The following SKA1 variants were observed in gnomAD, a reference collection of about 807,000 sequenced individuals.
SKA1 encodes spindle and kinetochore associated complex subunit 1.
In SKA1, 20 loss-of-function variants were observed where a neutral mutation model predicts 31.8. The observed-to-expected ratio is 0.63, with a 90% CI of 0.44 to 0.91. The LOEUF is 0.91. Among genes scored for constraint, SKA1 ranks in the 40% least tolerant of loss-of-function variants. The probability of loss-of-function intolerance (pLI) is 0.00; values close to 1 mark genes in which losing one functional copy is unlikely to be tolerated. For synonymous variants in SKA1, 88 were observed against 100.5 expected, an observed-to-expected ratio of 0.88 and a Z score of 0.74; for missense variants, 253 against 298.2, an observed-to-expected ratio of 0.85 and a Z score of 1.12.
At chr18:50,388,045 CAG>C (rs1490853471) in intron 5 of SKA1, among the ~76,000 whole-genome samples, 2 of 152,118 alleles carry the variant, frequency 1.3e-5, no homozygotes, top group African/African-American at 4.8e-5. Context: ...TTGTAAATGT[CAG>C]AAGCTTCAAT....
rs1373386266 is a variant in SKA1 at position 50,392,286 on chromosome 18, A to C, written c.*39A>C. 4.8e-6 allele frequency: 6 copies of C among 1,253,576 alleles called. No individual in the cohort carries two copies. The Admixed American group carries it at 1.8e-4, about 37-fold the overall frequency. 77.7% of individuals were successfully genotyped at this position (1,253,576 alleles called of 1,614,324 possible). A position where few individuals can be genotyped will look rare whatever the true frequency, so the allele number is the denominator to read the frequency against. On this transcript the variant is annotated 3_prime_UTR_variant, in exon 7 of 7. Coordinates refer to ENST00000285116, the MANE Select transcript of SKA1 (RefSeq NM_145060.4). ...TTTTGAACATACCAACAGGGTATAG[A>C]GTATAGAGGCTATTTCTATAATTTT...
intron 4 of SKA1, among the ~76,000 whole-genome samples, chr18:50,384,858 A>AT (rs1414133801): frequency 1.6e-5 from 2 of 122,330 alleles, no homozygotes; most frequent in African/African-American, 4.3e-5. Flanking sequence ...GAGTATAATA[A>AT]AAAAAAAAAA....
chr18:50,391,994 T>TAACA, intron 6 of SKA1, 105 bp from the exon 7 acceptor site: 1 of 794,718 alleles, frequency 1.3e-6, no homozygotes, highest in Non-Finnish European at 1.9e-6. Context: ...TATTGGATAC[T>TAACA]AACAGTAAAA....
At chr18:50,378,016 G>C (rs1464354174) in intron 2 of SKA1, among the ~76,000 whole-genome samples, 1 of 152,142 alleles carries the variant, frequency 6.6e-6, no homozygotes, top group African/African-American at 2.4e-5. Context: ...ATGAGTACTT[G>C]GTTGGGCGAC....
At chr18:50,387,004 T>C (rs2041314202) in intron 5 of SKA1, among the ~76,000 whole-genome samples, 1 of 152,212 alleles carries the variant, frequency 6.6e-6, no homozygotes, top group South Asian at 2.1e-4. Context: ...GCAGGTTTCG[T>C]GTAGACATAA....
rs150892783 is a variant in SKA1 at position 50,389,148 on chromosome 18, C to A, written c.450-1976C>A. ...GGAGTGACAGTTTCCAAGCTCTTGA[C>A]ACGTCAGAGTGCTACATACCAGTTT... On this transcript the variant is annotated intron_variant, in intron 5 of 6. Coordinates refer to ENST00000285116, the MANE Select transcript of SKA1 (RefSeq NM_145060.4). Among the ~76,000 whole-genome samples the A allele has an allele frequency of 4.5e-3, 685 of 152,216 alleles. 8 individuals are homozygous for A. The highest frequency in any genetic ancestry group is 0.015 in the African/African-American group (635 of 41,532).
chr18:50,377,008 T>C (rs2041222946), intron 2 of SKA1, among the ~76,000 whole-genome samples: 1 of 149,924 alleles, frequency 6.7e-6, no homozygotes, highest in Non-Finnish European at 1.5e-5. Context: ...GAATATCTCC[T>C]GAGGGATCTG....
chr18:50,389,337 G>A (rs542644199), intron 5 of SKA1, among the ~76,000 whole-genome samples: 9 of 148,316 alleles, frequency 6.1e-5, no homozygotes, highest in Middle Eastern at 3.5e-3. Flanking sequence ...GTCTTTTTCT[G>A]GGGGGGAGAG....
intron 2 of SKA1, among the ~76,000 whole-genome samples, chr18:50,377,623 TAAA>T (rs2041230116): frequency 6.6e-6 from 1 of 152,214 alleles, no homozygotes; most frequent in South Asian, 2.1e-4. Flanking sequence ...CTAAAATGTC[TAAA>T]GAATTACATA....
intron 5 of SKA1, among the ~76,000 whole-genome samples, chr18:50,389,405 T>TTTTTTTTTTTTTTTTG (rs1568331123): frequency 6.8e-6 from 1 of 147,822 alleles, no homozygotes; most frequent in African/African-American, 2.5e-5. Flanking sequence ...TTTTTTACTT[T>TTTTTTTTTTTTTTTTG]TTTTGTTTTT....
At chr18:50,377,505 T>A (rs1298228461) in intron 2 of SKA1, among the ~76,000 whole-genome samples, 1 of 152,224 alleles carries the variant, frequency 6.6e-6, no homozygotes, top group East Asian at 1.9e-4. Flanking sequence ...AATAAATTAT[T>A]TAAGCATCCA....
At chr18:50,388,036 T>C (rs1057187402) in intron 5 of SKA1, among the ~76,000 whole-genome samples, 1 of 152,206 alleles carries the variant, frequency 6.6e-6, no homozygotes, top group African/African-American at 2.4e-5. Flanking sequence ...TTGCTACGGT[T>C]GTAAATGTCA....
chr18:50,386,977 G>C (rs988127452), intron 5 of SKA1, among the ~76,000 whole-genome samples: 1 of 152,154 alleles, frequency 6.6e-6, no homozygotes, highest in Admixed American at 6.5e-5. Flanking sequence ...TGAATAAAGC[G>C]CTAAAAACGT....
chr18:50,389,375 C>CTTTTTTTTTTTTTTTTTTTTTT (rs756288352), intron 5 of SKA1, among the ~76,000 whole-genome samples: 7 of 86,140 alleles, frequency 8.1e-5, no homozygotes, highest in African/African-American at 2.5e-4. Context: ...CTTTACCTTT[C>CTTTTTTTTTTTTTTTTTTTTTT]TTTTTTTTTT....
chr18:50,377,555 C>T (rs923287426), intron 2 of SKA1, among the ~76,000 whole-genome samples: 8 of 152,112 alleles, frequency 5.3e-5, no homozygotes, highest in African/African-American at 1.4e-4. Context: ...AATATTTTGA[C>T]GTGCTGAAAT....
At chr18:50,387,433 C>A (rs150165757) in intron 5 of SKA1, among the ~76,000 whole-genome samples, 1 of 152,154 alleles carries the variant, frequency 6.6e-6, no homozygotes, top group Non-Finnish European at 1.5e-5. Context: ...TGTTTGTTTT[C>A]TTGTCATTGA....
At position 50,392,216 on chromosome 18, in the gene SKA1, G is replaced by C; in HGVS notation, c.737G>C (p.Gly246Ala). 1.3e-6 allele frequency: 2 copies of C among 1,598,266 alleles called. No individual in the cohort carries two copies. Among genetic ancestry groups the C allele is most frequent in the Non-Finnish European group, 1.7e-6 (2 of 1,175,926 alleles). The change falls in exon 7 of 7, where the codon GGG (glycine) becomes GCG (alanine). Residue 246 changes from glycine (G) to alanine (A), a missense_variant. Transcript: ENST00000285116. The part of the protein sequence containing the change: ...RHCRRLSEVR[G>A]GGLTRYVIT ...TGCCGGAGGCTATCAGAGGTCCGAG[G>C]GGGAGGACTTACTCGTTATGTTATA...
intron 2 of SKA1, among the ~76,000 whole-genome samples, chr18:50,377,098 T>G (rs1003984640): frequency 2.0e-5 from 3 of 152,130 alleles, no homozygotes; most frequent in Admixed American, 6.5e-5. Context: ...CAAAGTATTG[T>G]ATAGTAAATA....
chr18:50,380,358 A>C, intron 3 of SKA1, 108 bp downstream of exon 3: 1 of 1,186,312 alleles, frequency 8.4e-7, no homozygotes, highest in Non-Finnish European at 1.1e-6. Context: ...TTGTTTATAA[A>C]TTATTAATGG....
Sources: gnomAD v4.1 joint callset for allele counts (sites outside exome capture counted in the v4.1 genomes callset) on GRCh38, gnomAD v4.1.1 for gene constraint, MANE v1.5 for transcripts, NCBI Gene and HGNC (gene_info 2026-07-23, HGNC 2026-07-21) for gene names.